CSE1L: variants seen among roughly 807,000 people sequenced by gnomAD.
The protein encoded by CSE1L is exportin-2.
A neutral mutation model predicts 120.4 loss-of-function variants in CSE1L; 24 were observed. That is an observed-to-expected ratio of 0.20 (90% confidence interval 0.14 to 0.28). The LOEUF is 0.28. CSE1L is among the 10% of genes least tolerant of loss of function. The probability of loss-of-function intolerance (pLI) is 1.00; values close to 1 mark genes in which losing one functional copy is unlikely to be tolerated. For missense variants in CSE1L, 830 were observed against 1,145.2 expected (o/e 0.72, Z 3.97); for synonymous variants, 402 against 398.3 (o/e 1.01, Z -0.11).
At position 49,066,416 on chromosome 20, in the gene CSE1L, C is replaced by A; in HGVS notation, c.382C>A (p.Pro128Thr). Residue 128 changes from proline to threonine, a missense_variant, in exon 5 of 25, where the codon CCT becomes ACT. Transcript: ENST00000262982. ...IGREDFPQKW[P>T]DLLTEMVNRF... ...CAGAGAAGATTTTCCACAGAAATGG[C>A]CTGACTTGCTGACAGAAATGGTGAA... 1 of 1,614,184 alleles carries A rather than the reference C, an allele frequency of 6.2e-7. No individual in the cohort carries two copies.
chr20:49,078,757 A>G (rs1363666416), intron 14 of CSE1L, 135 bp downstream of exon 14: 1 of 548,868 alleles, frequency 1.8e-6, no homozygotes, highest in Non-Finnish European at 3.0e-6. Flanking sequence ...ATAACTTAGA[A>G]TTTTAGACCA....
intron 24 of CSE1L, 163 bp from the exon 25 acceptor site, chr20:49,096,186 G>A (rs886794936): frequency 1.4e-6 from 1 of 710,154 alleles, no homozygotes; most frequent in Non-Finnish European, 2.6e-6. Context: ...ACCTATTTTT[G>A]AAGGCATAAA....
At chr20:49,053,461 C>G (rs944921596) in intron 1 of CSE1L, among the ~76,000 whole-genome samples, 2 of 141,384 alleles carry the variant, frequency 1.4e-5, no homozygotes, top group Admixed American at 1.6e-4. Context: ...CAGGTTCAAG[C>G]AATTCTCCTG....
intron 19 of CSE1L, 137 bp downstream of exon 19, chr20:49,089,883 T>G: frequency 2.6e-6 from 2 of 757,794 alleles, no homozygotes; most frequent in South Asian, 3.8e-5. Flanking sequence ...TTTGGGAGCC[T>G]CTAGTGGGAG....
chr20:49,051,603 C>T (rs2091766805), intron 1 of CSE1L, among the ~76,000 whole-genome samples: 2 of 152,252 alleles, frequency 1.3e-5, no homozygotes, highest in Admixed American at 1.3e-4. Flanking sequence ...TTGTAGCTTT[C>T]CGTGTGCAGA....
chr20:49,082,675 T>C (rs1452880097), intron 14 of CSE1L, among the ~76,000 whole-genome samples: 7 of 152,000 alleles, frequency 4.6e-5, no homozygotes, highest in Non-Finnish European at 1.0e-4. Context: ...ACCGCCACCA[T>C]GCCCGGCTAA....
intron 8 of CSE1L, among the ~76,000 whole-genome samples, chr20:49,071,676 G>A (rs2091932547): frequency 6.6e-6 from 1 of 152,056 alleles, no homozygotes; most frequent in African/African-American, 2.4e-5. Context: ...GGGGCTTGCT[G>A]TGTTGCCCAG....
Position 49,071,933 on chromosome 20 carries a change from A to C in CSE1L, c.769-353A>C, listed in dbSNP as rs1444170604. On this transcript the variant is annotated intron_variant, in intron 8 of 24. Coordinates refer to ENST00000262982, the MANE Select transcript of CSE1L (RefSeq NM_001316.4). ...CAGTGAGCTGAGATCGCGCCACTGC[A>C]CTCCAGCCTGGGCAACAGAGGGAGA... Among the ~76,000 whole-genome samples, 5 of 134,276 alleles carry C rather than the reference A, an allele frequency of 3.7e-5. No individual in the cohort carries two copies. The East Asian group carries it at 1.2e-3, about 33-fold the overall frequency. 88.1% of individuals were successfully genotyped at this position (134,276 alleles called of 152,430 possible).
chr20:49,095,398 C>T (rs1255415220), intron 24 of CSE1L, among the ~76,000 whole-genome samples: 1 of 152,010 alleles, frequency 6.6e-6, no homozygotes, highest in African/African-American at 2.4e-5. Context: ...GATTATGGCT[C>T]ACTGCAGCCT....
At chr20:49,092,903 A>C (rs190319085) in intron 22 of CSE1L, among the ~76,000 whole-genome samples, 51 of 152,274 alleles carry the variant, frequency 3.3e-4, no homozygotes, top group African/African-American at 1.2e-3. Context: ...ATGTGCTGCT[A>C]ATGCAAACAC....
In CSE1L at chr20:49,078,603, T is replaced by A; in HGVS notation, c.1463T>A (p.Ile488Asn). ...CTTAAAGCTGACGGTATCAAATATATTATGATTTTTAGAAATCAAGTAAGT... is the reference window on the plus strand; with the variant it reads ...CTTAAAGCTGACGGTATCAAATATAATATGATTTTTAGAAATCAAGTAAGT... ...PVLKADGIKY[I>N]MIFRNQVPKE... is the part of the protein sequence containing the mutation. Residue 488 changes from isoleucine (I) to asparagine (N), a missense_variant, in exon 14 of 25, where the codon ATT becomes AAT. Ile to Asn is a moderately radical substitution (Grantham distance 149, BLOSUM62 -3). This residue lies in a region of CSE1L where 543 missense variants were observed against 640.2 expected (regional missense o/e 0.85). Coordinates refer to ENST00000262982, the MANE Select transcript of CSE1L (RefSeq NM_001316.4). 2.5e-6 allele frequency: 4 copies of A among 1,568,734 alleles called. No homozygotes were observed. The highest frequency in any genetic ancestry group is 3.5e-6 in the Non-Finnish European group (4 of 1,156,346).
rs1568769017 is a variant in CSE1L, at chr20:49,065,312, A to ATT, written c.229-880_229-879insTT. Among the ~76,000 whole-genome samples, 8 of 79,398 alleles carry ATT rather than the reference A, an allele frequency of 1.0e-4. No individual in the cohort carries two copies. The South Asian group carries it at 1.2e-3, about 12-fold the overall frequency. 52.1% of individuals were successfully genotyped at this position (79,398 alleles called of 152,430 possible). On this transcript the variant is annotated intron_variant, in intron 3 of 24. Transcript: ENST00000262982. ...TAGTTTACATATGAAATGAAAAAAA[A>ATT]ATTTTTTTTTTTTTTTTTTTTTTTT...
intron 1 of CSE1L, among the ~76,000 whole-genome samples, chr20:49,046,632 G>A (rs6125529): frequency 6.6e-6 from 1 of 152,220 alleles, no homozygotes; most frequent in African/African-American, 2.4e-5. Context: ...CGGCATCCTA[G>A]GTCTCTGGCC....
intron 10 of CSE1L, among the ~76,000 whole-genome samples, 170 bp from the exon 11 acceptor site, chr20:49,074,615 G>A (rs1348106387): frequency 6.6e-6 from 1 of 152,098 alleles, no homozygotes; most frequent in Non-Finnish European, 1.5e-5. Flanking sequence ...ACCTTTCAGG[G>A]TAGCATTTGC....
intron 1 of CSE1L, among the ~76,000 whole-genome samples, chr20:49,047,173 C>A (rs2091719795): frequency 6.6e-6 from 1 of 152,116 alleles, no homozygotes; most frequent in African/African-American, 2.4e-5. Context: ...CAGACGTAGC[C>A]TCTCGTTAGG....
In CSE1L at chr20:49,056,427, A is replaced by G. The variant is rs370488677; in HGVS notation, c.-11-2026A>G. 9.3e-4 allele frequency among the ~76,000 whole-genome samples: 142 copies of G among 152,244 alleles called. 1 individual carries two copies. In the South Asian group the frequency reaches 0.021, roughly 22 times the overall value. ...CCTAAAATAGCTTTATTGAAGTACA[A>G]TTTACATACTATAAGATTTATCCAT... On this transcript the variant is annotated intron_variant, in intron 1 of 24. Transcript: ENST00000262982.
intron 3 of CSE1L, 30 bp downstream of exon 3, chr20:49,063,374 A>C: frequency 7.3e-7 from 1 of 1,361,414 alleles, no homozygotes; most frequent in Non-Finnish European, 1.0e-6. Flanking sequence ...ATAATTTAAT[A>C]CCCTGTATGT....
At chr20:49,085,920 CT>C (rs997161629) in intron 16 of CSE1L, among the ~76,000 whole-genome samples, 2 of 152,002 alleles carry the variant, frequency 1.3e-5, no homozygotes, top group African/African-American at 4.8e-5. Context: ...TAGCAAAGCC[CT>C]TTTTTCCTTC....
intron 13 of CSE1L, among the ~76,000 whole-genome samples, chr20:49,078,063 A>C (rs1316925613): frequency 1.3e-5 from 2 of 152,226 alleles, no homozygotes; most frequent in Non-Finnish European, 2.9e-5. Flanking sequence ...AGATCCAGAT[A>C]TATTCCTTTT....
Sources: allele counts gnomAD v4.1 joint callset (sites outside exome capture counted in the v4.1 genomes callset), GRCh38; gene constraint gnomAD v4.1.1; regional missense constraint gnomAD v4.1.1; transcripts MANE v1.5; gene names NCBI Gene and HGNC (gene_info 2026-07-23, HGNC 2026-07-21).